The following TRPM3 variants were observed in gnomAD, a reference collection of about 807,000 sequenced individuals.
The protein encoded by TRPM3 is transient receptor potential cation channel subfamily M member 3.
TRPM3 carries 77 observed loss-of-function variants against 181.2 expected under a neutral mutation model. The observed-to-expected ratio is 0.42, with a 90% CI of 0.35 to 0.51. TRPM3 has a LOEUF of 0.51. Among genes scored for constraint, TRPM3 ranks in the 20% least tolerant of loss-of-function variants. The pLI, the probability that TRPM3 is intolerant of heterozygous loss-of-function variation, is 0.01. For missense variants in TRPM3, 1,759 were observed against 2,196.7 expected, an observed-to-expected ratio of 0.80 and a Z score of 3.98; for synonymous variants, 745 against 796.4, an observed-to-expected ratio of 0.94 and a Z score of 1.09.
rs2048652314 is a variant in TRPM3 at position 70,559,912 on chromosome 9, C to T, written c.3224-6602G>A. Among the ~76,000 whole-genome samples the T allele has an allele frequency of 2.0e-5, 3 of 152,250 alleles. No homozygotes were observed. The South Asian group carries it at 6.2e-4, about 32-fold the overall frequency. On this transcript the variant is annotated intron_variant, in intron 22 of 25. Coordinates refer to ENST00000677713, the MANE Select transcript of TRPM3 (RefSeq NM_001366145.2). ...TCCTGAGAGGGCTGTGGAATTCCCC[C>T]ACATACATCCTGGACCTGAGGACCC...
Position 70,784,123 on chromosome 9 carries a change from T to G in TRPM3, c.1130A>C (p.Lys377Thr), listed in dbSNP as rs1554704460. ...TACCTACCCGCCTTCTTCTGAGTAT[T>G]TATGCCCAAAGGCCAGGATGTCCGA... The part of the protein sequence containing the change: ...RASDILAFGH[K>T]YSEEGGLINE... Residue 377 changes from lysine to threonine, a missense_variant, in exon 7 of 26, where the codon AAA becomes ACA. Transcript: ENST00000677713. The G allele has an allele frequency of 6.2e-7, 1 of 1,613,520 alleles. No individual in the cohort carries two copies. The highest frequency in any genetic ancestry group is 8.5e-7 in the Non-Finnish European group (1 of 1,179,696).
At chr9:71,105,286 C>T (rs1175402240) in intron 1 of TRPM3, among the ~76,000 whole-genome samples, 1 of 152,046 alleles carries the variant, frequency 6.6e-6, no homozygotes, top group Non-Finnish European at 1.5e-5. Context: ...AATGTGATGG[C>T]CAATCAGATG....
intron 8 of TRPM3, among the ~76,000 whole-genome samples, chr9:70,684,403 G>A (rs1211995732): frequency 6.6e-6 from 1 of 152,146 alleles, no homozygotes; most frequent in African/African-American, 2.4e-5. Context: ...CCCAGGGTGT[G>A]GGAGGAAGGA....
chr9:70,798,879 C>A (rs2088014599), intron 6 of TRPM3, among the ~76,000 whole-genome samples: 1 of 152,150 alleles, frequency 6.6e-6, no homozygotes, highest in South Asian at 2.1e-4. Context: ...GGTCAGAGAC[C>A]TAGAGAAGAA....
intron 19 of TRPM3, among the ~76,000 whole-genome samples, chr9:70,608,296 C>G (rs1277297835): frequency 1.3e-5 from 2 of 152,182 alleles, no homozygotes; most frequent in African/African-American, 4.8e-5. Context: ...TTTCTTTTAA[C>G]AGAAATCAAG....
chr9:71,277,146 A>G (rs1284458860), intron 1 of TRPM3, among the ~76,000 whole-genome samples: 1 of 152,188 alleles, frequency 6.6e-6, no homozygotes, highest in Admixed American at 6.5e-5. Flanking sequence ...TTTAAAGAAA[A>G]GTTATTAAGA....
At chr9:70,796,926 C>T (rs2087218844) in intron 6 of TRPM3, among the ~76,000 whole-genome samples, 2 of 152,074 alleles carry the variant, frequency 1.3e-5, no homozygotes, top group Admixed American at 6.5e-5. Flanking sequence ...CCCAGGAGTT[C>T]AAGACCAGCC....
intron 8 of TRPM3, among the ~76,000 whole-genome samples, chr9:70,690,299 G>A (rs1457824994): frequency 2.0e-5 from 3 of 152,088 alleles, no homozygotes; most frequent in Non-Finnish European, 2.9e-5. Context: ...AATCAACAAA[G>A]AAAGTTCTTA....
At chr9:70,614,648 C>T (rs1269768471) in intron 18 of TRPM3, among the ~76,000 whole-genome samples, 1 of 152,152 alleles carries the variant, frequency 6.6e-6, no homozygotes, top group Non-Finnish European at 1.5e-5. Context: ...AAGTAGTTTA[C>T]AGGCACACTT....
rs1442322087 is a variant in TRPM3 at position 70,755,908 on chromosome 9, T to G, written c.1272+5693A>C. 3.3e-5 allele frequency among the ~76,000 whole-genome samples: 5 copies of G among 152,112 alleles called. No homozygotes were observed. In the South Asian group the frequency reaches 8.3e-4, roughly 25 times the overall value. Reference sequence around the variant, plus strand: ...AGACCTATTGACACTATGAAGAAACTGCATTAACTAACGGGCAAAATAACC... The same window carrying G: ...AGACCTATTGACACTATGAAGAAACGGCATTAACTAACGGGCAAAATAACC... On this transcript the variant is annotated intron_variant, in intron 8 of 25. Transcript: ENST00000677713.
chr9:70,611,484 G>T (rs1287340887), intron 18 of TRPM3, among the ~76,000 whole-genome samples: 2 of 152,092 alleles, frequency 1.3e-5, no homozygotes, highest in Non-Finnish European at 2.9e-5. Flanking sequence ...TATAAGACAT[G>T]CCTTGCTTCC....
At chr9:70,614,498 A>AAAAT (rs200058184) in intron 18 of TRPM3, among the ~76,000 whole-genome samples, 2,539 of 152,170 alleles carry the variant, frequency 0.017, 72 homozygotes, top group African/African-American at 0.056. Context: ...CCTGTCTCTA[A>AAAAT]AAATAAATAA....
At chr9:71,072,996 G>A (rs1463003999) in intron 1 of TRPM3, among the ~76,000 whole-genome samples, 1 of 152,202 alleles carries the variant, frequency 6.6e-6, no homozygotes, top group Non-Finnish European at 1.5e-5. Flanking sequence ...CTCACTAGAA[G>A]CAGGGAGCCA....
At chr9:71,264,371 G>C (rs2083252841) in intron 1 of TRPM3, among the ~76,000 whole-genome samples, 2 of 152,024 alleles carry the variant, frequency 1.3e-5, no homozygotes, top group Non-Finnish European at 2.9e-5. Flanking sequence ...TAACAAAAGT[G>C]AATGATGAGA....
chr9:70,640,621 A>G lies in TRPM3; in HGVS notation c.1385T>C (p.Leu462Ser), dbSNP rs1300591208. The part of the protein sequence containing the change: ...ASAPDQLSLA[L>S]AWNRVDIARS... ...AGCGATGTCGACTCTGTTCCAGGCTAAAGCTAAGCTCAGTTGGTCTGGGGC... is the reference window on the plus strand; with the variant it reads ...AGCGATGTCGACTCTGTTCCAGGCTGAAGCTAAGCTCAGTTGGTCTGGGGC... Residue 462 changes from leucine (L) to serine (S), a missense_variant, in exon 10 of 26, where the codon TTA becomes TCA. Physicochemically the swap from Leu to Ser is moderately radical, Grantham distance 145. Transcript: ENST00000677713. 1 of 1,613,734 alleles carries G rather than the reference A, an allele frequency of 6.2e-7. No homozygotes were observed. Among genetic ancestry groups the G allele is most frequent in the South Asian group, 1.1e-5 (1 of 91,028 alleles).
At chr9:71,005,793 G>A (rs957120862) in intron 1 of TRPM3, among the ~76,000 whole-genome samples, 1 of 152,132 alleles carries the variant, frequency 6.6e-6, no homozygotes, top group Non-Finnish European at 1.5e-5. Flanking sequence ...TAATCTAAAA[G>A]AAGAGGATAC....
intron 1 of TRPM3, among the ~76,000 whole-genome samples, chr9:71,374,165 C>A (rs1419165084): frequency 6.6e-6 from 1 of 152,174 alleles, no homozygotes; most frequent in Non-Finnish European, 1.5e-5. Flanking sequence ...CACCTGAGGT[C>A]AGGAGTTCGA....
At chr9:70,804,128 C>T (rs548343015) in intron 6 of TRPM3, among the ~76,000 whole-genome samples, 2 of 151,934 alleles carry the variant, frequency 1.3e-5, no homozygotes, top group African/African-American at 2.4e-5. Flanking sequence ...GCCACCAGTT[C>T]GAGATCAGCC....
intron 8 of TRPM3, among the ~76,000 whole-genome samples, chr9:70,691,621 C>T (rs10115619): frequency 1.3e-5 from 2 of 151,994 alleles, no homozygotes; most frequent in East Asian, 1.9e-4. Flanking sequence ...TTCCTCCCAC[C>T]GTCATTTAAG....
Sources: allele counts gnomAD v4.1 joint callset (sites outside exome capture counted in the v4.1 genomes callset), GRCh38; gene constraint gnomAD v4.1.1; transcripts MANE v1.5; gene names NCBI Gene and HGNC (gene_info 2026-07-23, HGNC 2026-07-21).